Variants in PROS1 observed in about 807,000 individuals in gnomAD.
PROS1 encodes the protein protein S, also known as vitamin K-dependent protein S.
In PROS1, 29 loss-of-function variants were observed where a neutral mutation model predicts 75.9. The ratio of observed to expected loss-of-function variants is 0.38; its 90% CI spans 0.28 to 0.52. The LOEUF (loss-of-function observed/expected upper bound fraction) is 0.52, where lower values mean the gene tolerates loss of function less well. PROS1 is among the 20% of genes least tolerant of loss of function. PROS1 has a pLI of 0.83. For missense variants in PROS1, 680 were observed against 810.3 expected, an observed-to-expected ratio of 0.84 and a Z score of 1.95; for synonymous variants, 245 against 280.6, an observed-to-expected ratio of 0.87 and a Z score of 1.27.
At chr3:93,960,510 C>G (rs557427613) in intron 1 of PROS1, among the ~76,000 whole-genome samples, 2 of 129,558 alleles carry the variant, frequency 1.5e-5, no homozygotes, top group East Asian at 5.4e-4. Flanking sequence ...CAGTTAAAAA[C>G]AAGTACACCA....
chr3:93,916,314 C>T (rs1401069715), intron 3 of PROS1, among the ~76,000 whole-genome samples: 2 of 152,100 alleles, frequency 1.3e-5, no homozygotes, highest in African/African-American at 2.4e-5. Context: ...AGCTTCATTT[C>T]GCATCTCTGG....
chr3:93,957,798 A>G (rs1709628317), intron 1 of PROS1, among the ~76,000 whole-genome samples: 1 of 152,308 alleles, frequency 6.6e-6, no homozygotes, highest in East Asian at 1.9e-4. Context: ...GAAATACCTA[A>G]GACTGGGCAA....
intron 6 of PROS1, among the ~76,000 whole-genome samples, chr3:93,902,396 A>G (rs1320512462): frequency 6.6e-6 from 1 of 152,200 alleles, no homozygotes; most frequent in African/African-American, 2.4e-5. Flanking sequence ...AGATCATACA[A>G]GTTTAAGTTA....
chr3:93,946,415 G>A (rs1051501027), intron 1 of PROS1, among the ~76,000 whole-genome samples: 12 of 152,130 alleles, frequency 7.9e-5, no homozygotes, highest in Non-Finnish European at 1.5e-4. Context: ...ATATTAAAAG[G>A]CTACAGTAAC....
chr3:93,945,692 C>A lies in PROS1; in HGVS notation c.77-18285G>T, dbSNP rs537488696. On this transcript the variant is annotated intron_variant, in intron 1 of 14. Coordinates refer to ENST00000394236, the MANE Select transcript of PROS1 (RefSeq NM_000313.4). ...ATAAGAGCTATTTATGACAAACCCA[C>A]AGCCAATATCATACTGAATGGGCAA... is the stretch of plus-strand genomic sequence containing the variant. Among the ~76,000 whole-genome samples the A allele has an allele frequency of 4.8e-3, 724 of 152,292 alleles. 5 individuals carry two copies. The highest frequency in any genetic ancestry group is 0.012 in the African/African-American group (492 of 41,560).
At chr3:93,940,885 G>A (rs955417949) in intron 1 of PROS1, among the ~76,000 whole-genome samples, 1 of 152,168 alleles carries the variant, frequency 6.6e-6, no homozygotes, top group Non-Finnish European at 1.5e-5. Context: ...AAGTCTTACA[G>A]GTTAGTTCAA....
chr3:93,874,231 A>G lies in PROS1; in HGVS notation c.*14T>C. The G allele has an allele frequency of 6.2e-7, 1 of 1,613,014 alleles. No individual in the cohort carries two copies. Among genetic ancestry groups the G allele is most frequent in the Non-Finnish European group, 8.5e-7 (1 of 1,179,136 alleles). ...CACACAAGGAAAAGGTATTATAAGC[A>G]GAGAAAAGATGCCTTAAGAATTCTT... On this transcript the variant is annotated 3_prime_UTR_variant, in exon 15 of 15. Transcript: ENST00000394236.
At chr3:93,882,386 T>C (rs556077915) in intron 12 of PROS1, among the ~76,000 whole-genome samples, 1 of 152,266 alleles carries the variant, frequency 6.6e-6, no homozygotes, top group South Asian at 2.1e-4. Flanking sequence ...GATTCCCTGC[T>C]CCACTTAGGC....
intron 4 of PROS1, among the ~76,000 whole-genome samples, chr3:93,908,940 G>C (rs966910408): frequency 1.3e-5 from 2 of 152,082 alleles, no homozygotes; most frequent in African/African-American, 4.8e-5. Context: ...TCTGCTTCCT[G>C]TTCTCCAATG....
chr3:93,930,578 A>G (rs1185878126), intron 1 of PROS1, among the ~76,000 whole-genome samples: 3 of 152,192 alleles, frequency 2.0e-5, no homozygotes, highest in South Asian at 2.1e-4. Context: ...ATTTTTAAGA[A>G]CATCTCTTTC....
At chr3:93,906,202 G>A in intron 4 of PROS1, 59 bp from the exon 5 acceptor site, 2 of 1,578,590 alleles carry the variant, frequency 1.3e-6, no homozygotes, top group Non-Finnish European at 8.7e-7. Flanking sequence ...AAATAAAATT[G>A]TGTGTACTAT....
chr3:93,901,817 T>G (rs1708599506), intron 6 of PROS1, among the ~76,000 whole-genome samples: 1 of 152,228 alleles, frequency 6.6e-6, no homozygotes, highest in African/African-American at 2.4e-5. Context: ...ACTATCATTT[T>G]GTAAACTCTT....
chr3:93,904,516 G>C (rs1372148039), intron 6 of PROS1, among the ~76,000 whole-genome samples: 2 of 152,148 alleles, frequency 1.3e-5, no homozygotes, highest in Non-Finnish European at 2.9e-5. Flanking sequence ...TATTCAGTAA[G>C]AGATGGATGA....
chr3:93,950,038 C>T (rs992977172), intron 1 of PROS1, among the ~76,000 whole-genome samples: 11 of 152,178 alleles, frequency 7.2e-5, no homozygotes, highest in South Asian at 2.1e-4. Context: ...GATTATATCC[C>T]GCCCATGGCT....
At chr3:93,958,001 T>G (rs1709635115) in intron 1 of PROS1, among the ~76,000 whole-genome samples, 1 of 151,964 alleles carries the variant, frequency 6.6e-6, no homozygotes, top group East Asian at 1.9e-4. Flanking sequence ...GGCAGGAGAA[T>G]CACTTGAACC....
intron 4 of PROS1, among the ~76,000 whole-genome samples, chr3:93,909,028 T>C (rs1708716160): frequency 6.6e-6 from 1 of 152,124 alleles, no homozygotes; most frequent in African/African-American, 2.4e-5. Flanking sequence ...TCAAAGTTAA[T>C]GGATGGAAAA....
intron 6 of PROS1, among the ~76,000 whole-genome samples, chr3:93,905,271 C>T (rs1253476994): frequency 1.3e-5 from 2 of 152,114 alleles, no homozygotes. Context: ...TGTGTACACG[C>T]ACATACAATA....
chr3:93,928,321 TA>T lies in PROS1; in HGVS notation c.77-915del, dbSNP rs1164835419. 7.8e-3 allele frequency among the ~76,000 whole-genome samples: 1,109 copies of T among 142,580 alleles called. 5 individuals are homozygous for T. The highest frequency in any genetic ancestry group is 0.019 in the South Asian group (87 of 4,512). 93.5% of individuals were successfully genotyped at this position (142,580 alleles called of 152,430 possible). On this transcript the variant is annotated intron_variant, in intron 1 of 14. Transcript: ENST00000394236. Reference sequence around the variant, plus strand: ...ACTCCAGCCAGTAAGACCCTCATTCTAAAAAAAAAAATCTGAAAAAAAAGAA... The same window carrying T: ...ACTCCAGCCAGTAAGACCCTCATTCTAAAAAAAAAATCTGAAAAAAAAGAA...
intron 1 of PROS1, among the ~76,000 whole-genome samples, chr3:93,953,679 C>T (rs1709545110): frequency 6.6e-6 from 1 of 152,130 alleles, no homozygotes; most frequent in Admixed American, 6.5e-5. Flanking sequence ...GACCGGGATG[C>T]CCTCTCTCAC....
Sources: gnomAD v4.1 joint callset for allele counts (sites outside exome capture counted in the v4.1 genomes callset) on GRCh38, gnomAD v4.1.1 for gene constraint, MANE v1.5 for transcripts, NCBI Gene and HGNC (gene_info 2026-07-23, HGNC 2026-07-21) for gene names.